ATXN7L1: variants seen among roughly 807,000 people sequenced by gnomAD.
ATXN7L1 encodes the protein ataxin 7 like 1, also known as ataxin-7-like protein 1.
A neutral mutation model predicts 70.8 loss-of-function variants in ATXN7L1; 15 were observed. That is an observed-to-expected ratio of 0.21 (90% confidence interval 0.14 to 0.33). ATXN7L1 has a LOEUF of 0.33. Ranked by LOEUF, ATXN7L1 falls within the 10% of genes least tolerant of loss-of-function variation. The pLI is 1.00. For missense variants in ATXN7L1, 975 were observed against 1,097.1 expected (o/e 0.89, Z 1.57); for synonymous variants, 440 against 445.1 (o/e 0.99, Z 0.14).
In ATXN7L1 at chr7:105,641,214, C is replaced by CTCTTTTTTTTTTTTTTTTT. The variant is rs1316374331; in HGVS notation, c.862+1623_862+1624insAAAAAAAAAAAAAAAAAGA. Among the ~76,000 whole-genome samples the CTCTTTTTTTTTTTTTTTTT allele has an allele frequency of 1.8e-4, 4 of 21,788 alleles. 1 individual carries two copies. The highest frequency in any genetic ancestry group is 3.4e-4 in the Non-Finnish European group (4 of 11,654). The allele number at this position is 21,788 out of a possible 152,430, so 14.3% of individuals were successfully genotyped here. A position where few individuals can be genotyped will look rare whatever the true frequency, so the allele number is the denominator to read the frequency against. ...GCCTTTTCTCTCTCTCTCTCTCTCTCTTTTTTTTTTTTTTTTTTTTTTTTT... is the reference window on the plus strand; with the variant it reads ...GCCTTTTCTCTCTCTCTCTCTCTCTCTCTTTTTTTTTTTTTTTTTTTTTTTTTTTTTTTTTTTTTTTTTT... On this transcript the variant is annotated intron_variant, in intron 5 of 11. Transcript: ENST00000419735.
chr7:105,782,668 G>A (rs1490478203), intron 3 of ATXN7L1, among the ~76,000 whole-genome samples: 2 of 152,214 alleles, frequency 1.3e-5, no homozygotes, highest in African/African-American at 2.4e-5. Flanking sequence ...GATGGACCTC[G>A]GCAGGGAACG....
intron 3 of ATXN7L1, among the ~76,000 whole-genome samples, chr7:105,671,039 A>G (rs1427082854): frequency 1.2e-4 from 18 of 145,314 alleles, no homozygotes; most frequent in South Asian, 4.5e-4. Context: ...CCCGGGAGGC[A>G]GAGCTTGCAG....
At chr7:105,840,465 G>T (rs1813041584) in intron 2 of ATXN7L1, among the ~76,000 whole-genome samples, 1 of 152,164 alleles carries the variant, frequency 6.6e-6, no homozygotes, top group Non-Finnish European at 1.5e-5. Context: ...CTGGCGCCTT[G>T]AATGTGTCTG....
intron 3 of ATXN7L1, among the ~76,000 whole-genome samples, chr7:105,773,386 AC>A (rs1297461499): frequency 2.0e-5 from 3 of 152,004 alleles, no homozygotes; most frequent in Non-Finnish European, 4.4e-5. Flanking sequence ...GCCACACTAT[AC>A]CCATCTCTTT....
intron 7 of ATXN7L1, 115 bp downstream of exon 7, chr7:105,638,238 G>A: frequency 7.5e-7 from 1 of 1,325,894 alleles, no homozygotes; most frequent in South Asian, 1.6e-5. Flanking sequence ...CTTGCCTTAG[G>A]AAGTAGTACT....
At chr7:105,853,556 AAAAC>A (rs1012695141) in intron 2 of ATXN7L1, among the ~76,000 whole-genome samples, 18 of 151,940 alleles carry the variant, frequency 1.2e-4, no homozygotes, top group East Asian at 7.8e-4. Flanking sequence ...TCGGTCTCAA[AAAAC>A]AAACAAACAA....
chr7:105,661,155 G>C (rs954858833), intron 4 of ATXN7L1, among the ~76,000 whole-genome samples: 2 of 152,220 alleles, frequency 1.3e-5, no homozygotes, highest in Non-Finnish European at 2.9e-5. Context: ...GTACAGGCCT[G>C]TATCCAGACT....
chr7:105,859,213 T>A (rs1319977939), intron 2 of ATXN7L1, among the ~76,000 whole-genome samples: 1 of 152,148 alleles, frequency 6.6e-6, no homozygotes, highest in South Asian at 2.1e-4. Flanking sequence ...TGTCATGCTG[T>A]CTGTGACTTA....
chr7:105,821,538 T>C (rs1178135711), intron 2 of ATXN7L1, among the ~76,000 whole-genome samples: 6 of 152,148 alleles, frequency 3.9e-5, no homozygotes, highest in African/African-American at 1.4e-4. Context: ...AGAAGATTGA[T>C]TGTATGGGTA....
chr7:105,772,261 A>G (rs934544161), intron 3 of ATXN7L1, among the ~76,000 whole-genome samples: 2 of 151,864 alleles, frequency 1.3e-5, no homozygotes, highest in African/African-American at 4.8e-5. Context: ...TTTAGTGGAG[A>G]TGGGGTTTCA....
intron 3 of ATXN7L1, among the ~76,000 whole-genome samples, chr7:105,769,092 T>C (rs1044568319): frequency 6.6e-6 from 1 of 152,248 alleles, no homozygotes; most frequent in Admixed American, 6.5e-5. Context: ...AGCTTCCAAA[T>C]CTGTGAAACC....
chr7:105,839,760 C>A (rs1812926734), intron 2 of ATXN7L1, among the ~76,000 whole-genome samples: 1 of 152,192 alleles, frequency 6.6e-6, no homozygotes, highest in Non-Finnish European at 1.5e-5. Context: ...ACCTACTGAG[C>A]ACCTACTATG....
At chr7:105,816,643 C>T (rs1399611678) in intron 2 of ATXN7L1, among the ~76,000 whole-genome samples, 5 of 152,224 alleles carry the variant, frequency 3.3e-5, no homozygotes, top group African/African-American at 4.8e-5. Flanking sequence ...CTTCACCATA[C>T]CTGTTCCTGG....
intron 4 of ATXN7L1, chr7:105,649,585 T>G: frequency 1.0e-6 from 1 of 987,858 alleles, no homozygotes; most frequent in Non-Finnish European, 1.2e-6. Context: ...AGGTGGAGAC[T>G]CATGACGGTG....
At chr7:105,870,141 G>A (rs916326566) in intron 2 of ATXN7L1, among the ~76,000 whole-genome samples, 1 of 152,090 alleles carries the variant, frequency 6.6e-6, no homozygotes, top group Non-Finnish European at 1.5e-5. Context: ...AATTAGCCAG[G>A]TGTGGTGGTG....
At chr7:105,821,566 T>C (rs1440069899) in intron 2 of ATXN7L1, among the ~76,000 whole-genome samples, 2 of 152,204 alleles carry the variant, frequency 1.3e-5, no homozygotes, top group African/African-American at 4.8e-5. Flanking sequence ...GAGGAGTCAC[T>C]AACAAAGATG....
chr7:105,689,481 A>G (rs1371446444), intron 3 of ATXN7L1, among the ~76,000 whole-genome samples: 1 of 152,192 alleles, frequency 6.6e-6, no homozygotes, highest in African/African-American at 2.4e-5. Context: ...AAAGGCCTAT[A>G]GGTTCTCTTC....
At chr7:105,640,295 G>A (rs1319881170) in intron 5 of ATXN7L1, among the ~76,000 whole-genome samples, 1 of 152,144 alleles carries the variant, frequency 6.6e-6, no homozygotes, top group Non-Finnish European at 1.5e-5. Context: ...ACTGCCCTGG[G>A]TCTGATGCTT....
chr7:105,643,425 T>C (rs1798540847), intron 4 of ATXN7L1, among the ~76,000 whole-genome samples: 1 of 152,200 alleles, frequency 6.6e-6, no homozygotes. Context: ...GGTTGGCCAT[T>C]TCCAACACAG....
Sources: allele counts gnomAD v4.1 joint callset (sites outside exome capture counted in the v4.1 genomes callset), GRCh38; gene constraint gnomAD v4.1.1; transcripts MANE v1.5; gene names NCBI Gene and HGNC (gene_info 2026-07-23, HGNC 2026-07-21).